Variants in SETD3 observed in about 807,000 individuals in gnomAD.
SETD3 encodes actin-histidine N-methyltransferase.
A neutral mutation model predicts 63.0 loss-of-function variants in SETD3; 19 were observed. The observed-to-expected ratio is 0.30, with a 90% CI of 0.21 to 0.44. The LOEUF is 0.44. SETD3 is among the 20% of genes least tolerant of loss of function. The pLI, the probability that SETD3 is intolerant of heterozygous loss-of-function variation, is 1.00. For synonymous variants in SETD3, 286 were observed against 264.1 expected, an observed-to-expected ratio of 1.08 and a Z score of -0.80; for missense variants, 587 against 728.5, an observed-to-expected ratio of 0.81 and a Z score of 2.24.
intron 11 of SETD3, among the ~76,000 whole-genome samples, chr14:99,402,218 T>C (rs1891425828): frequency 6.6e-6 from 1 of 152,190 alleles, no homozygotes; most frequent in African/African-American, 2.4e-5. Context: ...ACAGTTTAAC[T>C]TGAATGCCAT....
intron 8 of SETD3, among the ~76,000 whole-genome samples, chr14:99,408,774 C>T (rs1421258741): frequency 6.6e-6 from 1 of 152,182 alleles, no homozygotes; most frequent in Non-Finnish European, 1.5e-5. Flanking sequence ...TTGTGTGGCA[C>T]TGCCAAACAC....
At chr14:99,455,457 T>G (rs1894705556) in intron 6 of SETD3, among the ~76,000 whole-genome samples, 1 of 152,228 alleles carries the variant, frequency 6.6e-6, no homozygotes, top group South Asian at 2.1e-4. Flanking sequence ...AAACCTGGTC[T>G]TTTATTTGTA....
At chr14:99,463,165 C>T (rs1359578611) in intron 3 of SETD3, among the ~76,000 whole-genome samples, 3 of 152,216 alleles carry the variant, frequency 2.0e-5, no homozygotes, top group Non-Finnish European at 2.9e-5. Flanking sequence ...ACTATATGCA[C>T]TGTCCTGAAA....
chr14:99,478,628 A>G (rs971365201), intron 1 of SETD3: 1 of 152,142 alleles, frequency 6.6e-6, no homozygotes, highest in Admixed American at 6.5e-5. Flanking sequence ...TTTTGCTCAT[A>G]TTTTTACTAC....
chr14:99,457,127 C>T (rs1894804447), intron 6 of SETD3, among the ~76,000 whole-genome samples: 1 of 152,186 alleles, frequency 6.6e-6, no homozygotes, highest in Admixed American at 6.5e-5. Flanking sequence ...CCTTAGACTG[C>T]AGGACTGCAG....
At chr14:99,455,102 C>T (rs1212381267) in intron 6 of SETD3, among the ~76,000 whole-genome samples, 1 of 152,232 alleles carries the variant, frequency 6.6e-6, no homozygotes, top group Non-Finnish European at 1.5e-5. Context: ...ACAGGTTTGT[C>T]TTACTACAAA....
chr14:99,433,235 T>C (rs1348714129), intron 6 of SETD3, among the ~76,000 whole-genome samples: 2 of 152,264 alleles, frequency 1.3e-5, no homozygotes, highest in East Asian at 1.9e-4. Flanking sequence ...ATGACACTAG[T>C]ATACTTAAAC....
chr14:99,467,860 T>G (rs1156545482), intron 1 of SETD3, among the ~76,000 whole-genome samples: 1 of 152,072 alleles, frequency 6.6e-6, no homozygotes, highest in African/African-American at 2.4e-5. Context: ...CTGCAGCCCC[T>G]CACCTCCTCC....
At position 99,463,468 on chromosome 14, in the gene SETD3, T is replaced by A. The variant is rs1180970933; in HGVS notation, c.196+18A>T. 2 of 1,592,052 alleles carry A rather than the reference T, an allele frequency of 1.3e-6. No homozygotes were observed. The highest frequency in any genetic ancestry group is 1.7e-5 in the Admixed American group (1 of 59,638). On this transcript the variant is annotated intron_variant, in intron 3 of 12. Transcript: ENST00000331768. ...ACATGACATTATTAAAATACAGTTA[T>A]CATTCTAGCAATTTTACCTTTTTGC...
chr14:99,431,506 T>TC (rs1893177894), intron 6 of SETD3, among the ~76,000 whole-genome samples: 1 of 151,990 alleles, frequency 6.6e-6, no homozygotes, highest in South Asian at 2.1e-4. Flanking sequence ...TTTTTTTTTT[T>TC]CTGAGACAGA....
intron 6 of SETD3, among the ~76,000 whole-genome samples, chr14:99,450,625 A>G (rs1258444466): frequency 6.6e-6 from 1 of 152,210 alleles, no homozygotes; most frequent in Non-Finnish European, 1.5e-5. Context: ...AAGGCAGGAA[A>G]AGGGGGAGGC....
intron 6 of SETD3, among the ~76,000 whole-genome samples, chr14:99,417,027 A>G (rs781660773): frequency 6.6e-6 from 1 of 152,218 alleles, no homozygotes; most frequent in Non-Finnish European, 1.5e-5. Context: ...AAAAAGAGCA[A>G]TATTGCTAAA....
intron 6 of SETD3, among the ~76,000 whole-genome samples, chr14:99,440,084 T>C (rs1337810674): frequency 6.6e-6 from 1 of 152,154 alleles, no homozygotes; most frequent in African/African-American, 2.4e-5. Context: ...GCTGGGATTA[T>C]AGGCATGAAC....
intron 6 of SETD3, among the ~76,000 whole-genome samples, chr14:99,451,010 A>T (rs1894428362): frequency 6.6e-6 from 1 of 152,200 alleles, no homozygotes; most frequent in African/African-American, 2.4e-5. Flanking sequence ...GTTCATTCAC[A>T]GGGTCTATTA....
intron 6 of SETD3, among the ~76,000 whole-genome samples, chr14:99,418,666 G>C (rs1892408106): frequency 6.6e-6 from 1 of 152,110 alleles, no homozygotes; most frequent in Admixed American, 6.5e-5. Context: ...AGGTGCAAAA[G>C]ACAGCTCCAT....
Position 99,463,510 on chromosome 14 carries a change from C to G in SETD3, c.172G>C (p.Glu58Gln). The change falls in exon 3 of 13, where the codon GAG (glutamate) becomes CAG (glutamine). Residue 58 changes from glutamate to glutamine, a missense_variant. Glu to Gln is a conservative substitution (Grantham distance 29). Coordinates refer to ENST00000331768, the MANE Select transcript of SETD3 (RefSeq NM_032233.3). ...EEYVQIRTLV[E>Q]KIRKKQKGLS... ...CCTTTTTGCTTTTTCCGTATTTTCT[C>G]AACCAGAGTCCGGATCTGCACATAC... The G allele has an allele frequency of 6.2e-7, 1 of 1,613,984 alleles. No individual in the cohort carries two copies. The highest frequency in any genetic ancestry group is 8.5e-7 in the Non-Finnish European group (1 of 1,179,970).
chr14:99,433,757 G>A (rs987373649), intron 6 of SETD3, among the ~76,000 whole-genome samples: 10 of 152,118 alleles, frequency 6.6e-5, no homozygotes, highest in Non-Finnish European at 1.3e-4. Flanking sequence ...TTTAATGAGC[G>A]TAACATTTGA....
upstream of SETD3, among the ~76,000 whole-genome samples, chr14:99,483,359 G>A (rs1896403029): frequency 6.6e-6 from 1 of 151,910 alleles, no homozygotes; most frequent in Admixed American, 6.5e-5. Flanking sequence ...GACCATCCTG[G>A]GCAACATAGT....
At chr14:99,411,050 T>A (rs571975924) in intron 8 of SETD3, among the ~76,000 whole-genome samples, 24 of 152,352 alleles carry the variant, frequency 1.6e-4, no homozygotes, top group Admixed American at 7.2e-4. Context: ...TTTGTAGTGT[T>A]AAAAAATAGA....
Sources: allele counts gnomAD v4.1 joint callset (sites outside exome capture counted in the v4.1 genomes callset), GRCh38; gene constraint gnomAD v4.1.1; transcripts MANE v1.5; gene names NCBI Gene and HGNC (gene_info 2026-07-23, HGNC 2026-07-21).